The following KHDRBS2 variants were observed in gnomAD, a reference collection of about 807,000 sequenced individuals.
KHDRBS2 encodes the protein KH RNA binding domain containing, signal transduction associated 2, also known as KH domain-containing, RNA-binding, signal transduction-associated protein 2.
In KHDRBS2, 26 loss-of-function variants were observed where a neutral mutation model predicts 44.3. That is an observed-to-expected ratio of 0.59 (90% CI 0.43 to 0.81). The LOEUF (loss-of-function observed/expected upper bound fraction) is 0.81, where lower values mean the gene tolerates loss of function less well. KHDRBS2 is among the 40% of genes least tolerant of loss of function. The pLI, the probability that KHDRBS2 is intolerant of heterozygous loss-of-function variation, is 0.00. For missense variants in KHDRBS2, 476 were observed against 433.1 expected, an observed-to-expected ratio of 1.10 and a Z score of -0.88; for synonymous variants, 194 against 151.1, an observed-to-expected ratio of 1.28 and a Z score of -2.08.
chr6:61,596,727 C>T, the KHDRBS2 span, among the ~76,000 whole-genome samples: 1 of 152,130 alleles, frequency 6.6e-6, no homozygotes, highest in African/African-American at 2.4e-5. Flanking sequence ...TTTCGGCTCA[C>T]TGCAAATTCT....
At chr6:62,224,530 T>C (rs1219025072) in intron 1 of KHDRBS2, among the ~76,000 whole-genome samples, 1 of 152,220 alleles carries the variant, frequency 6.6e-6, no homozygotes, top group African/African-American at 2.4e-5. Context: ...ACACTGGTTA[T>C]GTAGGACTTA....
chr6:61,844,127 G>A (rs1355882396), intron 6 of KHDRBS2, among the ~76,000 whole-genome samples: 2 of 152,086 alleles, frequency 1.3e-5, no homozygotes, highest in Admixed American at 6.6e-5. Context: ...TGGAAATAAA[G>A]TTCTACCTCC....
intron 6 of KHDRBS2, among the ~76,000 whole-genome samples, chr6:61,889,446 T>C (rs1801474311): frequency 6.6e-6 from 1 of 152,208 alleles, no homozygotes; most frequent in South Asian, 2.1e-4. Flanking sequence ...AACCCAGTCG[T>C]TCAGTCTAAT....
chr6:61,826,433 A>T (rs9453162), intron 6 of KHDRBS2, among the ~76,000 whole-genome samples: 3,037 of 152,192 alleles, frequency 0.02, 118 homozygotes, highest in African/African-American at 0.069. Context: ...TCTGATAGCC[A>T]GTCTCTCATG....
chr6:61,829,887 G>T (rs1385338343), intron 6 of KHDRBS2, among the ~76,000 whole-genome samples: 1 of 152,100 alleles, frequency 6.6e-6, no homozygotes, highest in Non-Finnish European at 1.5e-5. Context: ...TACTCCAACT[G>T]CAAAGCAACA....
intron 3 of KHDRBS2, among the ~76,000 whole-genome samples, chr6:62,040,418 T>G (rs889071146): frequency 6.6e-6 from 1 of 152,082 alleles, no homozygotes; most frequent in East Asian, 1.9e-4. Context: ...TCTAAAATAA[T>G]GATTTTAATA....
intron 2 of KHDRBS2, among the ~76,000 whole-genome samples, chr6:62,120,702 G>C (rs1807417743): frequency 6.6e-6 from 1 of 152,142 alleles, no homozygotes; most frequent in South Asian, 2.1e-4. Context: ...AAAACTTCCA[G>C]GTTGAGTGGA....
the KHDRBS2 span, among the ~76,000 whole-genome samples, chr6:61,613,657 G>A: frequency 2.9e-3 from 437 of 152,040 alleles, 4 homozygotes; most frequent in African/African-American, 9.7e-3. Context: ...ATTTTTTAGT[G>A]TATGTAACTT....
At chr6:62,190,736 A>G (rs1041888568) in intron 1 of KHDRBS2, among the ~76,000 whole-genome samples, 1 of 152,036 alleles carries the variant, frequency 6.6e-6, no homozygotes. Context: ...CTATTCTTTC[A>G]CTATCTTCTC....
intron 1 of KHDRBS2, among the ~76,000 whole-genome samples, chr6:62,248,109 C>T (rs1371307952): frequency 2.0e-5 from 3 of 151,780 alleles, no homozygotes; most frequent in Non-Finnish European, 4.4e-5. Context: ...CACTTTACAC[C>T]TAGTTGTAGT....
chr6:61,747,019 A>G (rs1776957882), intron 6 of KHDRBS2, among the ~76,000 whole-genome samples: 2 of 147,274 alleles, frequency 1.4e-5, no homozygotes, highest in South Asian at 4.3e-4. Context: ...AAGGAACTTA[A>G]ACAAATGTAA....
At chr6:62,085,146 A>G (rs1216402404) in intron 2 of KHDRBS2, among the ~76,000 whole-genome samples, 2 of 152,150 alleles carry the variant, frequency 1.3e-5, no homozygotes, top group Non-Finnish European at 2.9e-5. Flanking sequence ...AACTGATTAT[A>G]TTTGAGATAT....
At chr6:61,836,894 A>G (rs762809131) in intron 6 of KHDRBS2, among the ~76,000 whole-genome samples, 4 of 152,086 alleles carry the variant, frequency 2.6e-5, no homozygotes, top group Non-Finnish European at 5.9e-5. Flanking sequence ...CGATTCTATC[A>G]TATTATGCAG....
chr6:62,236,233 A>C (rs1470932507), intron 1 of KHDRBS2, among the ~76,000 whole-genome samples: 2 of 152,062 alleles, frequency 1.3e-5, no homozygotes, highest in Non-Finnish European at 2.9e-5. Flanking sequence ...TGAAAGCTTC[A>C]TTGATATCAT....
chr6:61,723,935 C>T (rs1313826027), intron 7 of KHDRBS2, among the ~76,000 whole-genome samples: 1 of 152,044 alleles, frequency 6.6e-6, no homozygotes, highest in African/African-American at 2.4e-5. Flanking sequence ...CAACACAGGC[C>T]AATATTCAAA....
the KHDRBS2 span, among the ~76,000 whole-genome samples, chr6:61,598,752 T>C: frequency 6.6e-6 from 1 of 151,798 alleles, no homozygotes; most frequent in Non-Finnish European, 1.5e-5. Flanking sequence ...CCCTGGTTCC[T>C]TGACCTAGAA....
At chr6:62,060,633 C>CTCTCTA (rs758456817) in intron 2 of KHDRBS2, among the ~76,000 whole-genome samples, 86 of 144,954 alleles carry the variant, frequency 5.9e-4, no homozygotes, top group African/African-American at 2.1e-3. Context: ...CTCTCTCTCT[C>CTCTCTA]TATATATATA....
chr6:62,116,295 C>T (rs532343698), intron 2 of KHDRBS2, among the ~76,000 whole-genome samples: 40 of 152,230 alleles, frequency 2.6e-4, no homozygotes, highest in African/African-American at 9.6e-4. Context: ...TTTCCAAAAA[C>T]ATATTTCTCC....
chr6:61,665,688 G>A, the KHDRBS2 span, among the ~76,000 whole-genome samples: 45 of 150,358 alleles, frequency 3.0e-4, no homozygotes, highest in Non-Finnish European at 5.6e-4. Flanking sequence ...AATATCTTTT[G>A]AAGGAAAAAA....
Sources: gnomAD v4.1 joint callset for allele counts (sites outside exome capture counted in the v4.1 genomes callset) on GRCh38, gnomAD v4.1.1 for gene constraint, MANE v1.5 for transcripts, NCBI Gene and HGNC (gene_info 2026-07-23, HGNC 2026-07-21) for gene names.